The following FAM53A variants were observed in gnomAD, a reference collection of about 807,000 sequenced individuals.
FAM53A encodes the protein family with sequence similarity 53 member A, also known as protein FAM53A.
A neutral mutation model predicts 26.6 loss-of-function variants in FAM53A; 28 were observed. The observed-to-expected ratio is 1.05, with a 90% CI of 0.78 to 1.45. FAM53A has a LOEUF of 1.45. FAM53A is among the 40% of genes most tolerant of loss of function. The probability of loss-of-function intolerance (pLI) is 0.00; values close to 1 mark genes in which losing one functional copy is unlikely to be tolerated. For missense variants in FAM53A, 650 were observed against 575.8 expected, an observed-to-expected ratio of 1.13 and a Z score of -1.32; for synonymous variants, 290 against 253.1, an observed-to-expected ratio of 1.15 and a Z score of -1.38.
the FAM53A span, among the ~76,000 whole-genome samples, chr4:1,604,347 G>A: frequency 1.3e-5 from 2 of 152,156 alleles, no homozygotes; most frequent in Non-Finnish European, 2.9e-5. Context: ...GGCTGCCTAC[G>A]CAGGTTGGGG....
At chr4:1,680,357 A>G (rs1226666190) in intron 1 of FAM53A, among the ~76,000 whole-genome samples, 6 of 149,712 alleles carry the variant, frequency 4.0e-5, no homozygotes, top group African/African-American at 1.2e-4. Context: ...ACACCACTAC[A>G]CACAAGGTAC....
chr4:1,677,817 C>T (rs1172153886), intron 1 of FAM53A, among the ~76,000 whole-genome samples: 2 of 152,084 alleles, frequency 1.3e-5, no homozygotes, highest in East Asian at 1.9e-4. Flanking sequence ...TGGTAGCAGG[C>T]GCCTATAATC....
At chr4:1,623,333 C>A (rs1316919923) in intron 1 of FAM53A, among the ~76,000 whole-genome samples, 1 of 73,560 alleles carries the variant, frequency 1.4e-5, no homozygotes, top group Non-Finnish European at 3.6e-5. Context: ...CCTGCTGCCA[C>A]CCCCACCCCC....
In FAM53A at chr4:1,640,024, G is replaced by A. The variant is rs1322141837; in HGVS notation, c.*1269C>T. ...AGGCGCAGCCAGGCCCACTTCAGAT[G>A]GTGGAAACGAAAATTAATCAGAAGT... On this transcript the variant is annotated 3_prime_UTR_variant, in exon 5 of 5. Transcript: ENST00000308132. 1 of 152,252 alleles carries A rather than the reference G, an allele frequency of 6.6e-6. No homozygotes were observed. The highest frequency in any genetic ancestry group is 1.5e-5 in the Non-Finnish European group (1 of 68,054). The allele number at this position is 152,252 out of a possible 1,614,324, so 9.4% of individuals were successfully genotyped here. A position where few individuals can be genotyped will look rare whatever the true frequency, so the allele number is the denominator to read the frequency against.
At chr4:1,582,043 C>G in the FAM53A span, among the ~76,000 whole-genome samples, 2 of 152,204 alleles carry the variant, frequency 1.3e-5, no homozygotes, top group African/African-American at 4.8e-5. Context: ...AGGTGTGAGC[C>G]ATCACTCCCC....
At chr4:1,632,212 A>T (rs1241468223) in intron 1 of FAM53A, among the ~76,000 whole-genome samples, 1 of 151,696 alleles carries the variant, frequency 6.6e-6, no homozygotes, top group Non-Finnish European at 1.5e-5. Context: ...GTCTCTAAAG[A>T]GGTAGTTAGG....
chr4:1,675,020 GCCGTAGGACC>G (rs1312124902), intron 1 of FAM53A, among the ~76,000 whole-genome samples: 1 of 148,594 alleles, frequency 6.7e-6, no homozygotes, highest in Non-Finnish European at 1.5e-5. Flanking sequence ...TGAGAAGGAT[GCCGTAGGACC>G]CCACCATGGC....
chr4:1,610,766 G>A, the FAM53A span, among the ~76,000 whole-genome samples: 92 of 152,206 alleles, frequency 6.0e-4, no homozygotes, highest in African/African-American at 2.1e-3. Context: ...CTCCCCCACT[G>A]CACAGCCCCA....
intron 2 of FAM53A, among the ~76,000 whole-genome samples, chr4:1,660,983 CA>C (rs1713791456): frequency 6.6e-6 from 1 of 152,116 alleles, no homozygotes; most frequent in African/African-American, 2.4e-5. Flanking sequence ...CACAGCCCGC[CA>C]CCCACCCATA....
the FAM53A span, among the ~76,000 whole-genome samples, chr4:1,599,782 C>A: frequency 1.3e-5 from 2 of 152,330 alleles, no homozygotes; most frequent in South Asian, 2.1e-4. The surrounding 1 kb of genome is among the most constrained non-coding windows in gnomAD (Gnocchi z 6.1). Flanking sequence ...CACGCATACT[C>A]ACCCCAGACA....
intron 1 of FAM53A, among the ~76,000 whole-genome samples, chr4:1,627,957 G>C (rs367850511): frequency 6.7e-6 from 1 of 149,726 alleles, no homozygotes. Context: ...TCCTGTCAAC[G>C]GCAGCATCCA....
rs553531786 is a variant in FAM53A, at chr4:1,659,551, C to T, written c.76-2083G>A. Among the ~76,000 whole-genome samples the T allele has an allele frequency of 2.3e-3, 349 of 152,310 alleles. No homozygotes were observed. Among genetic ancestry groups the T allele is most frequent in the South Asian group, 0.012 (57 of 4,824 alleles). ...ATGTGACCACCTCTATGCAAAGACA[C>T]GCCGGGGGCAGCAGCTACTCCCAGT... is the stretch of plus-strand genomic sequence containing the variant. On this transcript the variant is annotated intron_variant, in intron 2 of 4. Coordinates refer to ENST00000308132, the MANE Select transcript of FAM53A (RefSeq NM_001174070.3). The surrounding 1 kb of genome is among the most constrained non-coding windows in gnomAD (Gnocchi z 5.2).
chr4:1,591,962 T>C, the FAM53A span, among the ~76,000 whole-genome samples: 37 of 152,222 alleles, frequency 2.4e-4, no homozygotes, highest in East Asian at 5.8e-3. Context: ...TTAAATACAG[T>C]GAAACGGGAG....
At chr4:1,606,460 C>T in the FAM53A span, among the ~76,000 whole-genome samples, 10 of 152,252 alleles carry the variant, frequency 6.6e-5, no homozygotes, top group South Asian at 1.0e-3. Context: ...AGCCGAGACC[C>T]GATGCCCTTC....
chr4:1,575,363 T>G, the FAM53A span, among the ~76,000 whole-genome samples: 1 of 152,140 alleles, frequency 6.6e-6, no homozygotes. Flanking sequence ...CAATCTCCAC[T>G]TGGCATCATC....
At chr4:1,678,384 T>C (rs532142957) in intron 1 of FAM53A, among the ~76,000 whole-genome samples, 3 of 152,144 alleles carry the variant, frequency 2.0e-5, no homozygotes, top group African/African-American at 4.8e-5. Flanking sequence ...GAACAGACAA[T>C]TGTATCAATG....
At chr4:1,629,900 C>G (rs1715538017) in intron 1 of FAM53A, among the ~76,000 whole-genome samples, 1 of 152,182 alleles carries the variant, frequency 6.6e-6, no homozygotes, top group Admixed American at 6.5e-5. Flanking sequence ...TGGGGACAGC[C>G]TGGGCCTCAC....
intron 1 of FAM53A, among the ~76,000 whole-genome samples, chr4:1,624,528 G>A (rs1456845402): frequency 3.3e-5 from 5 of 152,210 alleles, no homozygotes; most frequent in African/African-American, 1.2e-4. Context: ...AGGGACTCCA[G>A]GGCCCCCATT....
At chr4:1,660,965 G>T (rs578057232) in intron 2 of FAM53A, among the ~76,000 whole-genome samples, 2 of 151,962 alleles carry the variant, frequency 1.3e-5, no homozygotes, top group African/African-American at 4.8e-5. Context: ...CACAGGGCTG[G>T]AGGACACCAC....
Sources: gnomAD v4.1 joint callset for allele counts (sites outside exome capture counted in the v4.1 genomes callset) on GRCh38, gnomAD v4.1.1 for gene constraint, Gnocchi (gnomAD v3.1) non-coding constraint, MANE v1.5 for transcripts, NCBI Gene and HGNC (gene_info 2026-07-23, HGNC 2026-07-21) for gene names.